Variants in CARMIL1 observed in about 807,000 individuals in gnomAD.
CARMIL1 encodes the protein F-actin-uncapping protein LRRC16A.
Under a neutral mutation model 177.1 loss-of-function variants are expected in CARMIL1, and 90 were observed. That is an observed-to-expected ratio of 0.51 (90% CI 0.43 to 0.61). The LOEUF (loss-of-function observed/expected upper bound fraction) is 0.61. Ranked by LOEUF, CARMIL1 falls within the 20% of genes least tolerant of loss-of-function variation. The pLI is 0.00. For missense variants in CARMIL1, 1,380 were observed against 1,667.0 expected (o/e 0.83, Z 3.00); for synonymous variants, 577 against 606.2 (o/e 0.95, Z 0.71).
At chr6:25,510,478 G>C in intron 18 of CARMIL1, 29 bp from the exon 19 acceptor site, 1 of 1,285,060 alleles carries the variant, frequency 7.8e-7, no homozygotes, top group Non-Finnish European at 1.1e-6. Flanking sequence ...CATGTGTTTT[G>C]ATGTTCTACT....
chr6:25,356,634 A>G lies in CARMIL1; in HGVS notation c.139-63480A>G, dbSNP rs1236119457. On this transcript the variant is annotated intron_variant, in intron 2 of 36. Coordinates refer to ENST00000329474, the MANE Select transcript of CARMIL1 (RefSeq NM_017640.6). Reference sequence around the variant, plus strand: ...TTTTCCTGGCGCTTCTCCCTTCCGTATAGCCCATATGTTAGTGCCCTTAGT... The same window carrying G: ...TTTTCCTGGCGCTTCTCCCTTCCGTGTAGCCCATATGTTAGTGCCCTTAGT... 3.9e-5 allele frequency among the ~76,000 whole-genome samples: 6 copies of G among 152,358 alleles called. No homozygotes were observed. The East Asian group carries it at 1.2e-3, about 29-fold the overall frequency.
Position 25,581,289 on chromosome 6 carries a change from C to T in CARMIL1, c.2856C>T (p.His952=), listed in dbSNP as rs747860347. The T allele has an allele frequency of 4.3e-5, 69 of 1,613,800 alleles. 1 individual carries two copies. In the Admixed American group the frequency reaches 1.1e-3, roughly 27 times the overall value. The change falls in exon 31 of 37, where the codon CAC becomes CAT. Residue 952 remains histidine (H), a synonymous_variant. Transcript: ENST00000329474. ...AAGCGCTGGAAGAGGTACCAATTCA[C>T]ATCGAAGACCCGCCCTTCCCATCCC... ...LDKALEEVPI[H]IEDPPFPSLR...
At chr6:25,618,898 G>GT (rs1485545110) in intron 36 of CARMIL1, among the ~76,000 whole-genome samples, 1 of 152,184 alleles carries the variant, frequency 6.6e-6, no homozygotes, top group Non-Finnish European at 1.5e-5. Flanking sequence ...TGAAACTGAG[G>GT]TTTTCTGAGT....
intron 36 of CARMIL1, chr6:25,612,883 A>T (rs1177713530): frequency 7.1e-6 from 7 of 985,406 alleles, no homozygotes; most frequent in Non-Finnish European, 8.4e-6. Flanking sequence ...ACAGCCAACA[A>T]ATGGTTAGAG....
intron 2 of CARMIL1, among the ~76,000 whole-genome samples, chr6:25,287,106 G>A (rs1165840731): frequency 2.0e-5 from 3 of 152,220 alleles, no homozygotes; most frequent in Non-Finnish European, 2.9e-5. Flanking sequence ...ACAAGAAGAT[G>A]TATGAAGTAA....
At chr6:25,449,806 T>G in intron 5 of CARMIL1, 92 bp from the exon 6 acceptor site, 1 of 702,884 alleles carries the variant, frequency 1.4e-6, no homozygotes, top group African/African-American at 1.8e-5. Context: ...ACCCTCATCT[T>G]TGTTGAAGAA....
intron 5 of CARMIL1, among the ~76,000 whole-genome samples, chr6:25,438,994 A>G (rs1797482506): frequency 2.0e-5 from 3 of 152,018 alleles, no homozygotes; most frequent in Admixed American, 2.0e-4. Flanking sequence ...GTATTAAGAG[A>G]GAGGGTAGAT....
intron 2 of CARMIL1, among the ~76,000 whole-genome samples, chr6:25,362,505 T>A (rs1174580181): frequency 6.6e-6 from 1 of 151,942 alleles, no homozygotes; most frequent in Non-Finnish European, 1.5e-5. Flanking sequence ...TAAAACCCTG[T>A]CTCTACTAAA....
At chr6:25,525,053 G>C (rs1325949878) in intron 23 of CARMIL1, among the ~76,000 whole-genome samples, 3 of 152,132 alleles carry the variant, frequency 2.0e-5, no homozygotes, top group Non-Finnish European at 4.4e-5. Context: ...GAAAGGAACA[G>C]AAGAAACATC....
chr6:25,546,199 T>G (rs954967967), intron 26 of CARMIL1, among the ~76,000 whole-genome samples: 1 of 152,188 alleles, frequency 6.6e-6, no homozygotes, highest in Non-Finnish European at 1.5e-5. Context: ...GCAAAGATGT[T>G]TATAATCATC....
At chr6:25,303,793 A>G (rs1783053897) in intron 2 of CARMIL1, among the ~76,000 whole-genome samples, 2 of 152,254 alleles carry the variant, frequency 1.3e-5, no homozygotes, top group African/African-American at 4.8e-5. Flanking sequence ...TTACTAAAAC[A>G]TTCCATTTAA....
intron 2 of CARMIL1, among the ~76,000 whole-genome samples, chr6:25,316,173 TA>T (rs200278156): frequency 0.037 from 5,705 of 152,252 alleles, 137 homozygotes; most frequent in Non-Finnish European, 0.055. Context: ...GAATTGAAAG[TA>T]GCCTTAATTA....
At chr6:25,448,127 C>G (rs757935370) in intron 5 of CARMIL1, among the ~76,000 whole-genome samples, 1 of 151,988 alleles carries the variant, frequency 6.6e-6, no homozygotes, top group Non-Finnish European at 1.5e-5. Context: ...ATTTTTCAAG[C>G]TATGTTTTCT....
At chr6:25,544,606 T>TACACACACAC (rs3034120) in intron 26 of CARMIL1, among the ~76,000 whole-genome samples, 323 of 142,508 alleles carry the variant, frequency 2.3e-3, no homozygotes, top group African/African-American at 4.6e-3. Flanking sequence ...GTTACTAGAC[T>TACACACACAC]ACACACACAC....
At chr6:25,337,967 G>A (rs1262613758) in intron 2 of CARMIL1, among the ~76,000 whole-genome samples, 1 of 152,168 alleles carries the variant, frequency 6.6e-6, no homozygotes, top group African/African-American at 2.4e-5. Context: ...TAGCGTATGA[G>A]GGTGGGGTTA....
In CARMIL1 at chr6:25,472,478, A is replaced by G; in HGVS notation, c.831A>G (p.Gly277=). 1 of 1,583,944 alleles carries G rather than the reference A, an allele frequency of 6.3e-7. No individual in the cohort carries two copies. Among genetic ancestry groups the G allele is most frequent in the African/African-American group, 1.3e-5 (1 of 74,438 alleles). Residue 277 remains glycine (G), a synonymous_variant, in exon 11 of 37, where the codon GGA becomes GGG. Transcript: ENST00000329474. ...ASALAHNPNS[G]LHTINLAGNP... is the part of the protein sequence containing the mutation. ...CTCTAGCACATAATCCCAACTCAGGACTCCACACAATTAACCTTGCTGGCA... is the reference window on the plus strand; with the variant it reads ...CTCTAGCACATAATCCCAACTCAGGGCTCCACACAATTAACCTTGCTGGCA...
At chr6:25,448,075 A>G (rs1798417142) in intron 5 of CARMIL1, among the ~76,000 whole-genome samples, 1 of 151,902 alleles carries the variant, frequency 6.6e-6, no homozygotes, top group Non-Finnish European at 1.5e-5. Context: ...CATGATCTTC[A>G]CTCTCAGCTG....
rs193079446 is a variant in CARMIL1, at chr6:25,384,243, C to T, written c.139-35871C>T. ...GAGCCTGAGGCACAGGAGAATAGCA[C>T]GGTGGGACATTACTGGCACCATTGC... On this transcript the variant is annotated intron_variant, in intron 2 of 36. Transcript: ENST00000329474. Among the ~76,000 whole-genome samples, 761 of 152,308 alleles carry T rather than the reference C, an allele frequency of 5.0e-3. 20 individuals carry two copies. Among genetic ancestry groups the T allele is most frequent in the Admixed American group, 0.045 (695 of 15,306 alleles).
chr6:25,582,126 T>C (rs549123668), intron 31 of CARMIL1, among the ~76,000 whole-genome samples: 5 of 152,330 alleles, frequency 3.3e-5, no homozygotes, highest in African/African-American at 1.2e-4. Flanking sequence ...CTCCACAGTT[T>C]ACCAAAATCT....
Sources: gnomAD v4.1 joint callset for allele counts (sites outside exome capture counted in the v4.1 genomes callset) on GRCh38, gnomAD v4.1.1 for gene constraint, MANE v1.5 for transcripts, NCBI Gene and HGNC (gene_info 2026-07-23, HGNC 2026-07-21) for gene names.